GGCT: variants seen among roughly 807,000 people sequenced by gnomAD.
GGCT encodes the protein gamma-glutamylcyclotransferase.
GGCT carries 20 observed loss-of-function variants against 22.1 expected under a neutral mutation model. The ratio of observed to expected loss-of-function variants is 0.91; its 90% CI spans 0.64 to 1.32. The LOEUF (loss-of-function observed/expected upper bound fraction) is 1.32. Ranked by LOEUF, GGCT falls within the 40% of genes most tolerant of loss-of-function variation. The pLI is 0.00. For synonymous variants in GGCT, 72 were observed against 78.4 expected, an observed-to-expected ratio of 0.92 and a Z score of 0.43; for missense variants, 209 against 223.5, an observed-to-expected ratio of 0.94 and a Z score of 0.41.
Position 30,504,622 on chromosome 7 carries a change from T to A in GGCT, c.88A>T (p.Arg30Trp). The change falls in exon 1 of 4, where the codon AGG becomes TGG. Residue 30 changes from arginine to tryptophan, a missense_variant. By Grantham distance (101) the Arg-to-Trp change is moderately radical. Coordinates refer to ENST00000275428, the MANE Select transcript of GGCT (RefSeq NM_024051.4). ...GCCGAGGGGTTTCGGAGGTGGATCC[T>A]CTCTGTCAGCAGGTTGCTGCCGTAG... ...FAYGSNLLTE[R>W]IHLRNPSAAF... The A allele has an allele frequency of 6.2e-7, 1 of 1,614,058 alleles. No homozygotes were observed. The highest frequency in any genetic ancestry group is 8.5e-7 in the Non-Finnish European group (1 of 1,179,938).
chr7:30,499,252 C>T (rs1562741628), intron 2 of GGCT, among the ~76,000 whole-genome samples: 1 of 149,838 alleles, frequency 6.7e-6, no homozygotes, highest in Non-Finnish European at 1.5e-5. Context: ...CACTAAAATA[C>T]AAAAATTAGC....
rs1375786037 is a variant in GGCT, at chr7:30,497,252, C to T, written c.424-17G>A. ...GCAAATAATCTGGAAATGGTTAAAA[C>T]AAACAGACAAAAAAACCCTTTCAGT... On this transcript the variant is annotated splice_polypyrimidine_tract_variant and intron_variant, in intron 3 of 3. Coordinates refer to ENST00000275428, the MANE Select transcript of GGCT (RefSeq NM_024051.4). The T allele has an allele frequency of 1.3e-6, 2 of 1,583,000 alleles. No homozygotes were observed. The highest frequency in any genetic ancestry group is 1.7e-6 in the Non-Finnish European group (2 of 1,167,244).
chr7:30,502,989 G>C (rs1789737498), intron 1 of GGCT, among the ~76,000 whole-genome samples: 1 of 152,164 alleles, frequency 6.6e-6, no homozygotes, highest in Admixed American at 6.5e-5. Context: ...CATATCTCCA[G>C]TCTTCATGCC....
rs564723384 is a variant in GGCT, at chr7:30,497,794, G to A, written c.424-559C>T. Reference sequence around the variant, plus strand: ...CCTGCCAACAGAGAGCTAAGCTTAGGTTCTGAACAGGAATTTTGGGGTCTC... The same window carrying A: ...CCTGCCAACAGAGAGCTAAGCTTAGATTCTGAACAGGAATTTTGGGGTCTC... On this transcript the variant is annotated intron_variant, in intron 3 of 3. Coordinates refer to ENST00000275428, the MANE Select transcript of GGCT (RefSeq NM_024051.4). 7 of 1,466,492 alleles carry A rather than the reference G, an allele frequency of 4.8e-6. No homozygotes were observed. In the East Asian group the frequency reaches 1.8e-4, roughly 38 times the overall value. 90.8% of individuals were successfully genotyped at this position (1,466,492 alleles called of 1,614,324 possible).
intron 1 of GGCT, among the ~76,000 whole-genome samples, chr7:30,502,705 A>G (rs930414267): frequency 6.6e-6 from 1 of 152,164 alleles, no homozygotes; most frequent in Non-Finnish European, 1.5e-5. Context: ...CTTCACACTC[A>G]ATCACTATGC....
At chr7:30,498,022 T>TATATATATAC in intron 3 of GGCT, 1 of 216,908 alleles carries the variant, frequency 4.6e-6, no homozygotes, top group Non-Finnish European at 9.5e-6. Context: ...TATATATATA[T>TATATATATAC]AGATACACAC....
At chr7:30,499,549 A>C (rs909836832) in intron 2 of GGCT, among the ~76,000 whole-genome samples, 2 of 151,746 alleles carry the variant, frequency 1.3e-5, no homozygotes, top group Non-Finnish European at 2.9e-5. Context: ...ACTAAAAAAA[A>C]AACACACAAA....
chr7:30,503,970 T>C (rs934349888), intron 1 of GGCT, among the ~76,000 whole-genome samples: 1 of 152,066 alleles, frequency 6.6e-6, no homozygotes, highest in African/African-American at 2.4e-5. Flanking sequence ...TACTCAATCA[T>C]GTTTATACCC....
Position 30,498,890 on chromosome 7 carries a change from A to G in GGCT, c.336T>C (p.Val112=). 1.2e-6 allele frequency: 2 copies of G among 1,613,454 alleles called. No individual in the cohort carries two copies. Among genetic ancestry groups the G allele is most frequent in the Non-Finnish European group, 1.7e-6 (2 of 1,179,416 alleles). ...SGMYVVIEVK[V]ATQEGKEITC... is the part of the protein sequence containing the mutation. ...TTATTTCTTTTCCTTCTTGAGTTGCAACTTTAACTTCTATTACAACATACA... is the reference window on the plus strand; with the variant it reads ...TTATTTCTTTTCCTTCTTGAGTTGCGACTTTAACTTCTATTACAACATACA... Residue 112 remains valine (V), a synonymous_variant, in exon 3 of 4, where the codon GTT becomes GTC. Transcript: ENST00000275428.
At chr7:30,503,148 G>A (rs961358387) in intron 1 of GGCT, among the ~76,000 whole-genome samples, 1 of 152,160 alleles carries the variant, frequency 6.6e-6, no homozygotes. Flanking sequence ...ACATTTTCAG[G>A]CAGGGCTTTC....
At position 30,504,798 on chromosome 7, in the gene GGCT, T is replaced by G; in HGVS notation, c.-89A>C. 7.4e-7 allele frequency: 1 copy of G among 1,351,386 alleles called. No individual in the cohort carries two copies. Among genetic ancestry groups the G allele is most frequent in the South Asian group, 1.2e-5 (1 of 82,952 alleles). 83.7% of individuals were successfully genotyped at this position (1,351,386 alleles called of 1,614,324 possible). A position where few individuals can be genotyped will look rare whatever the true frequency, so the allele number is the denominator to read the frequency against. ...ACTGGGGCCCACTACCCCGGCGCAG[T>G]GACCGCCGCGCGGCAGCCTCAGGGT... On this transcript the variant is annotated 5_prime_UTR_variant, in exon 1 of 4. Coordinates refer to ENST00000275428, the MANE Select transcript of GGCT (RefSeq NM_024051.4).
Position 30,504,770 on chromosome 7 carries a change from A to G in GGCT, c.-61T>C. 1 of 1,549,446 alleles carries G rather than the reference A, an allele frequency of 6.5e-7. No homozygotes were observed. The highest frequency in any genetic ancestry group is 1.1e-5 in the South Asian group (1 of 89,460). On this transcript the variant is annotated 5_prime_UTR_variant, in exon 1 of 4. Coordinates refer to ENST00000275428, the MANE Select transcript of GGCT (RefSeq NM_024051.4). ...AGTGTAAGGAACGGCCAGAGAGCGC[A>G]ACACTGGGGCCCACTACCCCGGCGC... is the stretch of plus-strand genomic sequence containing the variant.
At chr7:30,499,410 GAA>G (rs879516798) in intron 2 of GGCT, among the ~76,000 whole-genome samples, 1 of 133,690 alleles carries the variant, frequency 7.5e-6, no homozygotes. Context: ...ATCTCAAAAA[GAA>G]AAAAAAAAAG....
At chr7:30,500,304 C>T (rs964688523) in intron 2 of GGCT, among the ~76,000 whole-genome samples, 15 of 152,086 alleles carry the variant, frequency 9.9e-5, no homozygotes, top group African/African-American at 3.6e-4. Context: ...TAAGGGCTTC[C>T]ATCTTTTACA....
At chr7:30,500,959 A>C (rs1430865795) in intron 1 of GGCT, among the ~76,000 whole-genome samples, 1 of 152,262 alleles carries the variant, frequency 6.6e-6, no homozygotes, top group Non-Finnish European at 1.5e-5. Flanking sequence ...AAAAAATCCC[A>C]TAACCCCAAT....
At chr7:30,499,139 C>G in intron 2 of GGCT, 1 of 571,262 alleles carries the variant, frequency 1.8e-6, no homozygotes, top group Non-Finnish European at 3.2e-6. Flanking sequence ...AGGCTGGGTA[C>G]GGTGGCTCAC....
At position 30,504,757 on chromosome 7, in the gene GGCT, G is replaced by T. The variant is rs746349095; in HGVS notation, c.-48C>A. On this transcript the variant is annotated 5_prime_UTR_variant, in exon 1 of 4. Coordinates refer to ENST00000275428, the MANE Select transcript of GGCT (RefSeq NM_024051.4). ...GAGCCTGAAGCAGAGTGTAAGGAACGGCCAGAGAGCGCAACACTGGGGCCC... is the reference window on the plus strand; with the variant it reads ...GAGCCTGAAGCAGAGTGTAAGGAACTGCCAGAGAGCGCAACACTGGGGCCC... 6.3e-7 allele frequency: 1 copy of T among 1,595,398 alleles called. No individual in the cohort carries two copies. Among genetic ancestry groups the T allele is most frequent in the Admixed American group, 1.7e-5 (1 of 59,802 alleles).
intron 1 of GGCT, among the ~76,000 whole-genome samples, chr7:30,500,943 A>T (rs1403073262): frequency 2.6e-5 from 4 of 152,256 alleles, no homozygotes; most frequent in South Asian, 2.1e-4. Flanking sequence ...CAAAAAGTTT[A>T]AGGAAAAAAA....
intron 3 of GGCT, chr7:30,497,663 C>G (rs1375968647): frequency 2.6e-6 from 2 of 768,498 alleles, no homozygotes; most frequent in Non-Finnish European, 3.7e-6. Flanking sequence ...TTTAGCGGTA[C>G]TTTCATAATC....
Sources: gnomAD v4.1 joint callset for allele counts (sites outside exome capture counted in the v4.1 genomes callset) on GRCh38, gnomAD v4.1.1 for gene constraint, MANE v1.5 for transcripts, NCBI Gene and HGNC (gene_info 2026-07-23, HGNC 2026-07-21) for gene names.